PHACTR4: variants seen among roughly 807,000 people sequenced by gnomAD.
PHACTR4 encodes protein phosphatase 1, regulatory subunit 124.
PHACTR4 carries 51 observed loss-of-function variants against 72.7 expected under a neutral mutation model. The observed-to-expected ratio is 0.70, with a 90% CI of 0.56 to 0.89. The LOEUF (loss-of-function observed/expected upper bound fraction) is 0.89. Among genes scored for constraint, PHACTR4 ranks in the 40% least tolerant of loss-of-function variants. The probability of loss-of-function intolerance (pLI) is 0.00; values close to 1 mark genes in which losing one functional copy is unlikely to be tolerated. For synonymous variants in PHACTR4, 255 were observed against 302.5 expected, an observed-to-expected ratio of 0.84 and a Z score of 1.63; for missense variants, 731 against 861.8, an observed-to-expected ratio of 0.85 and a Z score of 1.90.
Position 28,500,038 on chromosome 1 carries a change from C to T in PHACTR4, c.*3489C>T, listed in dbSNP as rs1216878040. 1.3e-5 allele frequency: 2 copies of T among 152,146 alleles called. No individual in the cohort carries two copies. The highest frequency in any genetic ancestry group is 2.9e-5 in the Non-Finnish European group (2 of 68,046). The allele number at this position is 152,146 out of a possible 1,614,324, so 9.4% of individuals were successfully genotyped here. On this transcript the variant is annotated 3_prime_UTR_variant, in exon 14 of 14. Coordinates refer to ENST00000373839, the MANE Select transcript of PHACTR4 (RefSeq NM_001048183.3). ...TTTGATTTCCTGAGCTACTTGTTCG[C>T]CTTCTGTGCGTCACCAAGTAATCTG...
At chr1:28,394,631 T>C (rs1653343007) in intron 1 of PHACTR4, among the ~76,000 whole-genome samples, 1 of 151,186 alleles carries the variant, frequency 6.6e-6, no homozygotes. Flanking sequence ...AGTTTTGCTC[T>C]TGTTGCCCAG....
chr1:28,392,370 T>G (rs1653123520), intron 1 of PHACTR4, among the ~76,000 whole-genome samples: 1 of 152,034 alleles, frequency 6.6e-6, no homozygotes, highest in Non-Finnish European at 1.5e-5. Context: ...GTAGTGATGC[T>G]GGCAATTTGG....
At position 28,473,646 on chromosome 1, in the gene PHACTR4, C is replaced by G. The variant is rs772280910; in HGVS notation, c.916C>G (p.Pro306Ala). 1.9e-6 allele frequency: 3 copies of G among 1,614,026 alleles called. No individual in the cohort carries two copies. In the Admixed American group the frequency reaches 5.0e-5, roughly 27 times the overall value. Residue 306 changes from proline to alanine, a missense_variant, in exon 7 of 14, where the codon CCC becomes GCC. Transcript: ENST00000373839. ...PKRGIPSTSV[P>A]TLESAAAITT... ...GAGAGGCATTCCATCAACCTCAGTA[C>G]CCACCTTGGAGTCTGCTGCTGCCAT...
rs978849131 is a variant in PHACTR4, at chr1:28,428,735, G to A, written c.16+21272G>A. Reference sequence around the variant, plus strand: ...GTGGTTTAATTTAAACTATTGGGGAGGTGGGGTTCATTTATATAGAGAATC... The same window carrying A: ...GTGGTTTAATTTAAACTATTGGGGAAGTGGGGTTCATTTATATAGAGAATC... On this transcript the variant is annotated intron_variant, in intron 2 of 13. Transcript: ENST00000373839. Among the ~76,000 whole-genome samples, 5 of 152,122 alleles carry A rather than the reference G, an allele frequency of 3.3e-5. No individual in the cohort carries two copies. In the South Asian group the frequency reaches 8.3e-4, roughly 25 times the overall value.
chr1:28,443,055 A>T (rs141350131), intron 2 of PHACTR4, among the ~76,000 whole-genome samples: 2 of 151,924 alleles, frequency 1.3e-5, no homozygotes, highest in Middle Eastern at 3.5e-3. Context: ...GTATTCTTTA[A>T]CAAATCTTTC....
chr1:28,445,570 T>G (rs566325925), intron 2 of PHACTR4, among the ~76,000 whole-genome samples: 1 of 152,286 alleles, frequency 6.6e-6, no homozygotes, highest in South Asian at 2.1e-4. Context: ...AATAATATAT[T>G]GCTATAAAAG....
intron 2 of PHACTR4, among the ~76,000 whole-genome samples, chr1:28,425,974 A>T (rs1413367099): frequency 6.6e-6 from 1 of 152,134 alleles, no homozygotes; most frequent in Admixed American, 6.6e-5. Context: ...TAATCCCAGC[A>T]CTTTGGGAGG....
At chr1:28,491,906 T>C (rs74064862) in intron 12 of PHACTR4, 119 bp downstream of exon 12, 47,422 of 1,228,736 alleles carry the variant, frequency 0.039, 2,917 homozygotes, top group African/African-American at 0.27. Context: ...TAATATAATA[T>C]TAAATTTCAA....
In PHACTR4 at chr1:28,378,568, AG is replaced by A. The variant is rs1651886934; in HGVS notation, c.-39+8744del. ...TTTTTCTTTCTTTCTTTCTCCCCCC[AG>A]CCCCCCCCCCCTTTTTTTTTAACAA... is the stretch of plus-strand genomic sequence containing the variant. On this transcript the variant is annotated intron_variant, in intron 1 of 13. Coordinates refer to ENST00000373839, the MANE Select transcript of PHACTR4 (RefSeq NM_001048183.3). Among the ~76,000 whole-genome samples, 5 of 31,210 alleles carry A rather than the reference AG, an allele frequency of 1.6e-4. 1 individual carries two copies. The highest frequency in any genetic ancestry group is 2.5e-3 in the South Asian group (2 of 812). 20.5% of individuals were successfully genotyped at this position (31,210 alleles called of 152,430 possible).
intron 6 of PHACTR4, among the ~76,000 whole-genome samples, chr1:28,468,593 A>C (rs971733266): frequency 6.6e-6 from 1 of 151,440 alleles, no homozygotes; most frequent in African/African-American, 2.4e-5. Flanking sequence ...ACTCCATCTC[A>C]AAAAAAAAGA....
intron 8 of PHACTR4, among the ~76,000 whole-genome samples, chr1:28,477,112 G>A (rs538204721): frequency 3.5e-5 from 5 of 141,776 alleles, no homozygotes; most frequent in African/African-American, 7.9e-5. Context: ...TTTAGACAGA[G>A]TCTTGCTCTG....
rs1225303255 is a variant in PHACTR4, at chr1:28,385,614, A to AT, written c.-39+15808dup. On this transcript the variant is annotated intron_variant, in intron 1 of 13. Transcript: ENST00000373839. ...CATGTAATTGTATGGTTTTAAGTGA[A>AT]TTTTTTTTTTTTTTTTTTTGGAGAC... Among the ~76,000 whole-genome samples the AT allele has an allele frequency of 4.3e-3, 550 of 126,912 alleles. 4 individuals are homozygous for AT. The highest frequency in any genetic ancestry group is 6.0e-3 in the Non-Finnish European group (372 of 62,116). The allele number at this position is 126,912 out of a possible 152,430, so 83.3% of individuals were successfully genotyped here.
intron 4 of PHACTR4, among the ~76,000 whole-genome samples, chr1:28,461,418 G>A (rs1658800033): frequency 6.6e-6 from 1 of 152,096 alleles, no homozygotes; most frequent in South Asian, 2.1e-4. Flanking sequence ...TCCAGCCTGG[G>A]CAACAGAGCA....
chr1:28,401,575 A>G (rs904953931), intron 1 of PHACTR4, among the ~76,000 whole-genome samples: 2 of 151,698 alleles, frequency 1.3e-5, no homozygotes, highest in Non-Finnish European at 2.9e-5. Context: ...CCAAAATGCT[A>G]GGAGTACAGG....
chr1:28,473,988 C>A lies in PHACTR4; in HGVS notation c.1258C>A (p.Arg420=), dbSNP rs771901291. ...SRLPPLPLHI[R]IQQALTSPLP... ...GCTGCCTCCACTCCCACTGCATATT[C>A]GAATCCAGCAGGCCCTCACCAGCCC... The change falls in exon 7 of 14, where the codon CGA becomes AGA. Residue 420 remains arginine, a synonymous_variant. Coordinates refer to ENST00000373839, the MANE Select transcript of PHACTR4 (RefSeq NM_001048183.3). 1.2e-6 allele frequency: 2 copies of A among 1,614,146 alleles called. No homozygotes were observed. Among genetic ancestry groups the A allele is most frequent in the African/African-American group, 2.7e-5 (2 of 75,044 alleles).
intron 8 of PHACTR4, among the ~76,000 whole-genome samples, chr1:28,477,475 T>C (rs1363493517): frequency 6.6e-6 from 1 of 151,726 alleles, no homozygotes; most frequent in Non-Finnish European, 1.5e-5. Context: ...GCCTAGCCTA[T>C]TTTTAATTTT....
At chr1:28,425,133 A>AT (rs1480782717) in intron 2 of PHACTR4, among the ~76,000 whole-genome samples, 31 of 151,356 alleles carry the variant, frequency 2.0e-4, no homozygotes, top group African/African-American at 7.5e-4. Flanking sequence ...GTATTTCTTT[A>AT]TTTTGAGACA....
At chr1:28,478,129 G>T (rs888554541) in intron 8 of PHACTR4, among the ~76,000 whole-genome samples, 1 of 151,946 alleles carries the variant, frequency 6.6e-6, no homozygotes, top group South Asian at 2.1e-4. Flanking sequence ...TAGCTCCCAC[G>T]TAAGAGTGAG....
intron 6 of PHACTR4, among the ~76,000 whole-genome samples, chr1:28,473,072 C>T (rs1391622919): frequency 3.3e-5 from 5 of 150,392 alleles, no homozygotes; most frequent in East Asian, 2.0e-4. Context: ...GTCAGGAGTT[C>T]GAGACCAGCC....
Sources: allele counts gnomAD v4.1 joint callset (sites outside exome capture counted in the v4.1 genomes callset), GRCh38; gene constraint gnomAD v4.1.1; transcripts MANE v1.5; gene names NCBI Gene and HGNC (gene_info 2026-07-23, HGNC 2026-07-21).